The following SLC1A2 variants were observed in gnomAD, a reference collection of about 807,000 sequenced individuals.
SLC1A2 encodes excitatory amino acid transporter 2.
In SLC1A2, 15 loss-of-function variants were observed where a neutral mutation model predicts 48.8. The observed-to-expected ratio is 0.31, with a 90% CI of 0.21 to 0.47. The LOEUF is 0.47. Among genes scored for constraint, SLC1A2 ranks in the 20% least tolerant of loss-of-function variants. The probability of loss-of-function intolerance (pLI) is 0.99; values close to 1 mark genes in which losing one functional copy is unlikely to be tolerated. For missense variants in SLC1A2, 502 were observed against 730.5 expected (o/e 0.69, Z 3.61); for synonymous variants, 279 against 272.6 (o/e 1.02, Z -0.23).
chr11:35,327,992 G>A (rs1203655520), intron 1 of SLC1A2, among the ~76,000 whole-genome samples: 4 of 152,212 alleles, frequency 2.6e-5, no homozygotes, highest in Non-Finnish European at 4.4e-5. Flanking sequence ...AGCTACTTAT[G>A]AGACTTGCAT....
At chr11:35,277,751 A>G (rs1490268275) in intron 9 of SLC1A2, among the ~76,000 whole-genome samples, 1 of 150,104 alleles carries the variant, frequency 6.7e-6, no homozygotes, top group Non-Finnish European at 1.5e-5. Flanking sequence ...CAGAACTTAA[A>G]TGGCTTCCTT....
At chr11:35,382,367 A>C (rs1328375415) in intron 1 of SLC1A2, among the ~76,000 whole-genome samples, 1 of 152,242 alleles carries the variant, frequency 6.6e-6, no homozygotes, top group Non-Finnish European at 1.5e-5. Context: ...CCATAGAGTG[A>C]TTCTTCAAGA....
In SLC1A2 at chr11:35,251,215, T is replaced by A. The variant is rs537688741; in HGVS notation, c.*9679A>T. On this transcript the variant is annotated 3_prime_UTR_variant, in exon 11 of 11. Coordinates refer to ENST00000278379, the MANE Select transcript of SLC1A2 (RefSeq NM_004171.4). ...AGGCAACAACCAAAATAAATTGAAA[T>A]CCACATTTATTGATGAGAGATATAT... is the stretch of plus-strand genomic sequence containing the variant. The A allele has an allele frequency of 2.0e-4, 31 of 152,748 alleles. No homozygotes were observed. The highest frequency in any genetic ancestry group is 7.0e-4 in the African/African-American group (29 of 41,568). 9.5% of individuals were successfully genotyped at this position (152,748 alleles called of 1,614,324 possible).
intron 1 of SLC1A2, chr11:35,390,656 T>C (rs1854737144): frequency 6.7e-6 from 1 of 150,328 alleles, no homozygotes; most frequent in Non-Finnish European, 1.5e-5. Flanking sequence ...GTAAGTAAAA[T>C]CTATTCTTTT....
At chr11:35,382,199 G>T (rs1343953900) in intron 1 of SLC1A2, among the ~76,000 whole-genome samples, 4 of 152,206 alleles carry the variant, frequency 2.6e-5, no homozygotes, top group African/African-American at 9.7e-5. Context: ...TCTCTTCACT[G>T]AATCACCCAC....
chr11:35,334,310 G>A (rs2135000336), intron 1 of SLC1A2, among the ~76,000 whole-genome samples: 1 of 152,280 alleles, frequency 6.6e-6, no homozygotes, highest in African/African-American at 2.4e-5. Context: ...TAAGTTAGCA[G>A]CCCCTGTCCC....
At chr11:35,278,724 ATG>A (rs894192880) in intron 9 of SLC1A2, among the ~76,000 whole-genome samples, 1 of 152,074 alleles carries the variant, frequency 6.6e-6, no homozygotes, top group African/African-American at 2.4e-5. Context: ...AGTCCACAAA[ATG>A]TGGCTTCTGA....
chr11:35,417,542 C>T (rs1198183117), intron 1 of SLC1A2, among the ~76,000 whole-genome samples: 2 of 152,180 alleles, frequency 1.3e-5, no homozygotes, highest in African/African-American at 4.8e-5. Context: ...GATCTTGATC[C>T]ATATGGGCTC....
intron 1 of SLC1A2, among the ~76,000 whole-genome samples, chr11:35,385,440 T>C (rs2135219546): frequency 6.6e-6 from 1 of 152,354 alleles, no homozygotes; most frequent in African/African-American, 2.4e-5. Context: ...CTAGTCTGTC[T>C]ATTTCTAAAG....
intron 9 of SLC1A2, among the ~76,000 whole-genome samples, chr11:35,274,194 T>C (rs1434815607): frequency 6.6e-6 from 1 of 152,264 alleles, no homozygotes; most frequent in Non-Finnish European, 1.5e-5. Context: ...TTTTTCATTT[T>C]ATTACTCTTT....
intron 2 of SLC1A2, 130 bp downstream of exon 2, chr11:35,317,247 G>C: frequency 1.1e-6 from 1 of 873,500 alleles, no homozygotes; most frequent in East Asian, 2.6e-5. Flanking sequence ...AGCCTGGGCA[G>C]ACAGGGCCCT....
At chr11:35,298,186 G>A (rs1851231106) in intron 6 of SLC1A2, 2 of 152,116 alleles carry the variant, frequency 1.3e-5, no homozygotes, top group African/African-American at 4.8e-5. Context: ...AAAACAATTG[G>A]AATAATATTA....
At chr11:35,284,087 T>TTTTATA (rs1554993896) in intron 8 of SLC1A2, among the ~76,000 whole-genome samples, 3 of 115,900 alleles carry the variant, frequency 2.6e-5, no homozygotes, top group Non-Finnish European at 3.5e-5. Context: ...GAAGATTTTA[T>TTTTATA]TATATATATA....
chr11:35,301,043 T>A (rs1002218182), intron 6 of SLC1A2, among the ~76,000 whole-genome samples: 8 of 152,032 alleles, frequency 5.3e-5, no homozygotes, highest in Non-Finnish European at 8.8e-5. Context: ...TACAATAGAA[T>A]AAAATTCAAA....
chr11:35,271,634 G>A (rs1850281783), intron 9 of SLC1A2, among the ~76,000 whole-genome samples: 1 of 152,112 alleles, frequency 6.6e-6, no homozygotes, highest in Admixed American at 6.6e-5. Context: ...ATGAGGTCAG[G>A]TGTTTGAGAT....
At chr11:35,418,028 C>G (rs539248385) in intron 1 of SLC1A2, among the ~76,000 whole-genome samples, 2 of 152,132 alleles carry the variant, frequency 1.3e-5, no homozygotes, top group Non-Finnish European at 2.9e-5. Flanking sequence ...GGGAATTAAC[C>G]AAAGGGCTGA....
intron 2 of SLC1A2, chr11:35,315,568 T>C (rs954233803): frequency 4.4e-5 from 7 of 159,564 alleles, no homozygotes; most frequent in Admixed American, 3.0e-4. Flanking sequence ...CCGAGGCGAG[T>C]GGGTCACCTG....
intron 1 of SLC1A2, among the ~76,000 whole-genome samples, chr11:35,332,462 C>T (rs1046942782): frequency 3.3e-5 from 5 of 152,344 alleles, no homozygotes; most frequent in African/African-American, 1.2e-4. Flanking sequence ...AAGCAAGGAA[C>T]ATGTCCTGTT....
intron 1 of SLC1A2, among the ~76,000 whole-genome samples, chr11:35,387,321 A>C (rs951646230): frequency 6.6e-5 from 10 of 152,148 alleles, no homozygotes; most frequent in Non-Finnish European, 2.9e-5. Context: ...ATGCAATCCC[A>C]AAATGCCAGA....
Sources: gnomAD v4.1 joint callset for allele counts (sites outside exome capture counted in the v4.1 genomes callset) on GRCh38, gnomAD v4.1.1 for gene constraint, MANE v1.5 for transcripts, NCBI Gene and HGNC (gene_info 2026-07-23, HGNC 2026-07-21) for gene names.